BMAL1: variants seen among roughly 807,000 people sequenced by gnomAD.
The protein encoded by BMAL1 is basic helix-loop-helix ARNT like 1.
the BMAL1 span, chr11:13,358,605 C>A: frequency 1.3e-6 from 2 of 1,567,154 alleles, no homozygotes; most frequent in Admixed American, 3.8e-5. Context: ...AGACCCTGGG[C>A]TCTATTGTCC....
chr11:13,292,727 C>G, the BMAL1 span, among the ~76,000 whole-genome samples: 1 of 152,042 alleles, frequency 6.6e-6, no homozygotes, highest in Non-Finnish European at 1.5e-5. Context: ...AGTTTTCTCT[C>G]TCATGTACTA....
At chr11:13,325,695 G>GTGTGTGTGTGTGTGTGTGTGT in the BMAL1 span, among the ~76,000 whole-genome samples, 2 of 151,228 alleles carry the variant, frequency 1.3e-5, no homozygotes, top group African/African-American at 4.9e-5. Context: ...GTGTGTGTGT[G>GTGTGTGTGTGTGTGTGTGTGT]GGCTTGAATG....
the BMAL1 span, among the ~76,000 whole-genome samples, chr11:13,369,340 G>GGGGT: frequency 7.2e-5 from 11 of 152,100 alleles, no homozygotes; most frequent in Non-Finnish European, 1.5e-4. Flanking sequence ...AGCCATAAGC[G>GGGGT]TCTATTGGGC....
At chr11:13,375,974 T>G in the BMAL1 span, among the ~76,000 whole-genome samples, 3 of 152,178 alleles carry the variant, frequency 2.0e-5, no homozygotes, top group South Asian at 6.2e-4. Flanking sequence ...CCCTGGCTTA[T>G]GAAACTGCTC....
the BMAL1 span, among the ~76,000 whole-genome samples, chr11:13,332,041 G>T: frequency 6.6e-6 from 1 of 152,152 alleles, no homozygotes; most frequent in Non-Finnish European, 1.5e-5. Flanking sequence ...TGAGGAAGAC[G>T]TACTAGGATT....
chr11:13,349,129 G>A, the BMAL1 span, among the ~76,000 whole-genome samples: 2 of 152,164 alleles, frequency 1.3e-5, no homozygotes, highest in Admixed American at 6.5e-5. Context: ...GGGCAGTACC[G>A]CCCGGTGGCT....
the BMAL1 span, among the ~76,000 whole-genome samples, chr11:13,288,160 T>C: frequency 6.6e-6 from 1 of 152,194 alleles, no homozygotes; most frequent in Non-Finnish European, 1.5e-5. Context: ...GGACACAGAC[T>C]TGTCTAAAAT....
the BMAL1 span, among the ~76,000 whole-genome samples, chr11:13,333,912 C>G: frequency 6.6e-6 from 1 of 152,220 alleles, no homozygotes; most frequent in Non-Finnish European, 1.5e-5. Flanking sequence ...TCTCCACCCA[C>G]TCTATCTCCC....
the BMAL1 span, among the ~76,000 whole-genome samples, chr11:13,340,557 T>G: frequency 6.6e-6 from 1 of 152,162 alleles, no homozygotes; most frequent in African/African-American, 2.4e-5. Flanking sequence ...TCCTCAATGC[T>G]TCCTGCTATG....
the BMAL1 span, among the ~76,000 whole-genome samples, chr11:13,336,256 T>C: frequency 3.3e-5 from 5 of 152,196 alleles, no homozygotes; most frequent in African/African-American, 4.8e-5. Flanking sequence ...GTCATATTTT[T>C]TCATTTTTGC....
the BMAL1 span, among the ~76,000 whole-genome samples, chr11:13,310,916 CAGT>C: frequency 6.6e-6 from 1 of 152,210 alleles, no homozygotes; most frequent in Non-Finnish European, 1.5e-5. Context: ...AAGGCAGCAG[CAGT>C]CATCCAGGCA....
the BMAL1 span, among the ~76,000 whole-genome samples, chr11:13,315,632 C>T: frequency 6.6e-6 from 1 of 152,174 alleles, no homozygotes; most frequent in Non-Finnish European, 1.5e-5. Flanking sequence ...CCCTCTGCTC[C>T]AAGTCCTTGC....
At chr11:13,373,447 G>A in the BMAL1 span, among the ~76,000 whole-genome samples, 1 of 152,146 alleles carries the variant, frequency 6.6e-6, no homozygotes, top group Non-Finnish European at 1.5e-5. Context: ...AAAGGAGGCA[G>A]CAAAAACTAG....
chr11:13,299,691 C>T, the BMAL1 span, among the ~76,000 whole-genome samples: 4 of 152,242 alleles, frequency 2.6e-5, no homozygotes, highest in East Asian at 1.9e-4. Flanking sequence ...GCACGTGGCA[C>T]GCAGAGCCCA....
the BMAL1 span, among the ~76,000 whole-genome samples, chr11:13,320,392 A>G: frequency 1.3e-5 from 2 of 152,266 alleles, no homozygotes; most frequent in African/African-American, 2.4e-5. Flanking sequence ...CCTCAGCTTC[A>G]TCAGACCCAT....
At chr11:13,281,988 C>G in the BMAL1 span, among the ~76,000 whole-genome samples, 1 of 152,206 alleles carries the variant, frequency 6.6e-6, no homozygotes, top group Non-Finnish European at 1.5e-5. Flanking sequence ...CCTGACCTGT[C>G]TCTCCTGTGT....
chr11:13,354,800 G>A, the BMAL1 span, among the ~76,000 whole-genome samples: 1 of 152,214 alleles, frequency 6.6e-6, no homozygotes, highest in Non-Finnish European at 1.5e-5. Context: ...ATCTCAGGGG[G>A]TTCAAAGAGA....
the BMAL1 span, among the ~76,000 whole-genome samples, chr11:13,346,679 C>G: frequency 6.6e-6 from 1 of 152,226 alleles, no homozygotes; most frequent in Admixed American, 6.5e-5. Flanking sequence ...CTCTCACATT[C>G]TTCCAAGGCA....
the BMAL1 span, among the ~76,000 whole-genome samples, chr11:13,332,858 G>A: frequency 6.6e-6 from 1 of 152,132 alleles, no homozygotes; most frequent in Admixed American, 6.5e-5. Flanking sequence ...CTGCGAACTG[G>A]AATGACCCCA....
Sources: gnomAD v4.1 joint callset for allele counts (sites outside exome capture counted in the v4.1 genomes callset) on GRCh38, gnomAD v4.1.1 for gene constraint, MANE v1.5 for transcripts, NCBI Gene and HGNC (gene_info 2026-07-23, HGNC 2026-07-21) for gene names.